MTREX: variants seen among roughly 807,000 people sequenced by gnomAD.
The protein encoded by MTREX is exosome RNA helicase MTR4.
A neutral mutation model predicts 135.4 loss-of-function variants in MTREX; 76 were observed. That is an observed-to-expected ratio of 0.56 (90% CI 0.47 to 0.68). The LOEUF (loss-of-function observed/expected upper bound fraction) is 0.68. Ranked by LOEUF, MTREX falls within the 30% of genes least tolerant of loss-of-function variation. MTREX has a pLI of 0.00. For missense variants in MTREX, 920 were observed against 1,262.1 expected (o/e 0.73, Z 4.11); for synonymous variants, 404 against 401.6 (o/e 1.01, Z -0.07).
rs1749682033 is a variant in MTREX, at chr5:55,343,417, C to T, written c.868C>T (p.Arg290Ter). ...VFLSATIPNA[R>*]QFAEWICHLH... is the part of the protein sequence containing the mutation. The stretch of plus-strand genomic sequence containing the variant: ...TCTTTCGGCTACTATTCCAAATGCC[C>T]GACAGTTTGCTGAATGGATTTGCCA... Residue 290 changes from arginine to a stop codon, truncating the protein, a stop_gained, in exon 8 of 27, where the codon CGA becomes TGA. Coordinates refer to ENST00000230640, the MANE Select transcript of MTREX (RefSeq NM_015360.5). LOFTEE classifies it high-confidence loss of function. 6 of 1,613,328 alleles carry T rather than the reference C, an allele frequency of 3.7e-6. No individual in the cohort carries two copies. The highest frequency in any genetic ancestry group is 2.2e-5 in the East Asian group (1 of 44,816).
At chr5:55,424,496 C>T (rs1441813816) in intron 26 of MTREX, 1 of 458,558 alleles carries the variant, frequency 2.2e-6, no homozygotes, top group African/African-American at 2.0e-5. Flanking sequence ...GGCCAGCCCC[C>T]ATGGAGTATT....
At chr5:55,314,025 A>G (rs1201645252) in intron 1 of MTREX, among the ~76,000 whole-genome samples, 1 of 152,098 alleles carries the variant, frequency 6.6e-6, no homozygotes, top group Non-Finnish European at 1.5e-5. Flanking sequence ...CAGTCCTTCA[A>G]TCAATGTTCT....
In MTREX at chr5:55,345,193, A is replaced by T. The variant is rs1359758195; in HGVS notation, c.1105A>T (p.Lys369Ter). Residue 369 changes from lysine (K) to a stop codon, truncating the protein, a stop_gained, in exon 10 of 27, where the codon AAA becomes TAA. Transcript: ENST00000230640. LOFTEE classifies it high-confidence loss of function. Reference sequence around the variant, plus strand: ...CCAGAAAGGGCGGAAAGGAGGAACAAAAGGTAATTTGGAACTTTGCTTTGA... The same window carrying T: ...CCAGAAAGGGCGGAAAGGAGGAACATAAGGTAATTTGGAACTTTGCTTTGA... ...GDQKGRKGGT[K>*]GPSNVFKIVK... 1 of 1,600,290 alleles carries T rather than the reference A, an allele frequency of 6.2e-7. No homozygotes were observed. The highest frequency in any genetic ancestry group is 1.3e-5 in the African/African-American group (1 of 74,606).
chr5:55,377,428 T>C (rs1024529814), intron 16 of MTREX, among the ~76,000 whole-genome samples: 1 of 152,204 alleles, frequency 6.6e-6, no homozygotes, highest in African/African-American at 2.4e-5. Flanking sequence ...AAAACAGTTA[T>C]ATCCTAGTTC....
Position 55,415,887 on chromosome 5 carries a change from C to T in MTREX, c.2809-83C>T, listed in dbSNP as rs1332235710. 3.0e-6 allele frequency: 3 copies of T among 983,940 alleles called. No individual in the cohort carries two copies. The Admixed American group carries it at 9.8e-5, about 32-fold the overall frequency. 61.0% of individuals were successfully genotyped at this position (983,940 alleles called of 1,614,324 possible). On this transcript the variant is annotated intron_variant, in intron 24 of 26. Transcript: ENST00000230640. The stretch of plus-strand genomic sequence containing the variant: ...ATACCTAGGAAGAAAAAGGGACCTC[C>T]TGGAATACTGGCTTGGAAACCTAAA...
chr5:55,391,469 A>T (rs1215786503), intron 19 of MTREX, among the ~76,000 whole-genome samples: 2 of 152,090 alleles, frequency 1.3e-5, no homozygotes, highest in African/African-American at 2.4e-5. Context: ...CTCTTTGTCT[A>T]AAAAAACATA....
intron 20 of MTREX, among the ~76,000 whole-genome samples, chr5:55,397,859 A>G (rs1223319396): frequency 6.6e-6 from 1 of 152,222 alleles, no homozygotes; most frequent in Non-Finnish European, 1.5e-5. Context: ...ATTTTTTAAT[A>G]TAGTTAATAA....
Position 55,397,396 on chromosome 5 carries a change from G to GT in MTREX, c.2182-19dup. ...CATGTGCAAATTTAACTGTAATACT[G>GT]TATAACTTTTTGGTCATAGGTTGTC... On this transcript the variant is annotated intron_variant, in intron 19 of 26. Coordinates refer to ENST00000230640, the MANE Select transcript of MTREX (RefSeq NM_015360.5). 6.6e-7 allele frequency: 1 copy of GT among 1,519,046 alleles called. No homozygotes were observed. The allele number at this position is 1,519,046 out of a possible 1,614,324, so 94.1% of individuals were successfully genotyped here.
At chr5:55,406,969 G>GA (rs1750817984) in intron 22 of MTREX, among the ~76,000 whole-genome samples, 1 of 152,140 alleles carries the variant, frequency 6.6e-6, no homozygotes, top group Non-Finnish European at 1.5e-5. Context: ...TCCTTAACTG[G>GA]AAAGTCATAA....
Position 55,321,388 on chromosome 5 carries a change from T to C in MTREX, c.135-939T>C, listed in dbSNP as rs531639480. Among the ~76,000 whole-genome samples the C allele has an allele frequency of 2.6e-5, 4 of 152,282 alleles. No individual in the cohort carries two copies. In the East Asian group the frequency reaches 7.7e-4, roughly 29 times the overall value. On this transcript the variant is annotated intron_variant, in intron 1 of 26. Transcript: ENST00000230640. ...CTAAGTCCTTTGCTCATTTTTTTAA[T>C]TGGGTTATCTTTTAAAAATTGATTT...
At chr5:55,327,871 A>C in intron 4 of MTREX, 93 bp downstream of exon 4, 1 of 955,780 alleles carries the variant, frequency 1.0e-6, no homozygotes, top group Non-Finnish European at 1.7e-6. Context: ...TATTTCCCAC[A>C]ACATGTATAT....
At position 55,379,998 on chromosome 5, in the gene MTREX, C is replaced by T. The variant is rs557060699; in HGVS notation, c.2052+803C>T. Among the ~76,000 whole-genome samples the T allele has an allele frequency of 1.1e-3, 161 of 152,218 alleles. 1 individual carries two copies. The highest frequency in any genetic ancestry group is 3.7e-3 in the African/African-American group (154 of 41,548). On this transcript the variant is annotated intron_variant, in intron 18 of 26. Transcript: ENST00000230640. The stretch of plus-strand genomic sequence containing the variant: ...TCGCCCAGGCTGGAGTACAGTGGCA[C>T]GATCTCGGCTCACTGCAATCTCCGC...
intron 10 of MTREX, among the ~76,000 whole-genome samples, 186 bp downstream of exon 10, chr5:55,345,382 C>T (rs1156920534): frequency 6.6e-6 from 1 of 151,932 alleles, no homozygotes; most frequent in Non-Finnish European, 1.5e-5. Context: ...ATAAAATTCA[C>T]TCATCTAAGT....
chr5:55,418,374 T>A (rs928155535), intron 25 of MTREX, among the ~76,000 whole-genome samples: 1 of 149,502 alleles, frequency 6.7e-6, no homozygotes, highest in Non-Finnish European at 1.5e-5. Context: ...TCTACCTAAG[T>A]AGAAGTTATC....
At chr5:55,375,234 C>T (rs1365008490) in intron 16 of MTREX, among the ~76,000 whole-genome samples, 1 of 152,182 alleles carries the variant, frequency 6.6e-6, no homozygotes, top group Non-Finnish European at 1.5e-5. Context: ...TTGAGATCAA[C>T]CGGTCTGACC....
chr5:55,369,673 TA>T (rs1750164030), intron 16 of MTREX, among the ~76,000 whole-genome samples: 1 of 152,156 alleles, frequency 6.6e-6, no homozygotes, highest in African/African-American at 2.4e-5. Context: ...TCTGATAAAT[TA>T]AAAAGAAAAC....
At chr5:55,367,272 G>A (rs1750119278) in intron 16 of MTREX, among the ~76,000 whole-genome samples, 1 of 152,100 alleles carries the variant, frequency 6.6e-6, no homozygotes, top group Admixed American at 6.5e-5. Context: ...GGATCACGAG[G>A]TCAAGAGATC....
intron 14 of MTREX, among the ~76,000 whole-genome samples, chr5:55,358,125 G>A (rs577107031): frequency 2.6e-5 from 4 of 152,170 alleles, no homozygotes; most frequent in East Asian, 3.9e-4. Context: ...TCACAAGGTC[G>A]GGAGATCAAG....
chr5:55,353,125 G>A (rs1168563481), intron 13 of MTREX, 43 bp from the exon 14 acceptor site: 1 of 1,354,044 alleles, frequency 7.4e-7, no homozygotes, highest in Non-Finnish European at 1.0e-6. Flanking sequence ...CAGATTTTCA[G>A]CTTAAAATAC....
Sources: gnomAD v4.1 joint callset for allele counts (sites outside exome capture counted in the v4.1 genomes callset) on GRCh38, gnomAD v4.1.1 for gene constraint, MANE v1.5 for transcripts, NCBI Gene and HGNC (gene_info 2026-07-23, HGNC 2026-07-21) for gene names.